The following CEP85 variants were observed in gnomAD, a reference collection of about 807,000 sequenced individuals.
The protein encoded by CEP85 is centrosomal protein 85.
In CEP85, 58 loss-of-function variants were observed where a neutral mutation model predicts 93.7. The ratio of observed to expected loss-of-function variants is 0.62; its 90% CI spans 0.50 to 0.77. CEP85 has a LOEUF of 0.77. CEP85 is among the 30% of genes least tolerant of loss of function. The pLI is 0.00. For synonymous variants in CEP85, 314 were observed against 338.6 expected (o/e 0.93, Z 0.80); for missense variants, 868 against 922.0 (o/e 0.94, Z 0.76).
At chr1:26,250,750 A>T (rs761107614) in intron 3 of CEP85, among the ~76,000 whole-genome samples, 3 of 151,992 alleles carry the variant, frequency 2.0e-5, no homozygotes, top group Admixed American at 6.6e-5. Flanking sequence ...TTACTGTAAG[A>T]GAATACCTGA....
intron 3 of CEP85, among the ~76,000 whole-genome samples, chr1:26,251,047 T>C (rs2089605478): frequency 6.8e-6 from 1 of 148,102 alleles, no homozygotes; most frequent in African/African-American, 2.5e-5. Context: ...GTTCAAGTGA[T>C]TTCTCCTGCC....
chr1:26,241,717 G>GTAGCAATT (rs2089429515), intron 2 of CEP85, among the ~76,000 whole-genome samples: 1 of 151,828 alleles, frequency 6.6e-6, no homozygotes, highest in Non-Finnish European at 1.5e-5. Context: ...TAATTGATAA[G>GTAGCAATT]GATGCTACTG....
chr1:26,246,618 A>G (rs1489112409), intron 3 of CEP85, among the ~76,000 whole-genome samples: 1 of 151,894 alleles, frequency 6.6e-6, no homozygotes, highest in Non-Finnish European at 1.5e-5. Flanking sequence ...CCTGTAATCT[A>G]CTCGGGAGGC....
At chr1:26,273,711 A>G (rs2124613434) in intron 11 of CEP85, among the ~76,000 whole-genome samples, 1 of 152,194 alleles carries the variant, frequency 6.6e-6, no homozygotes, top group South Asian at 2.1e-4. Flanking sequence ...CCTGGCTAAC[A>G]AGGTGAAACC....
Position 26,235,378 on chromosome 1 carries a change from TC to T in CEP85, c.-23+1069del, listed in dbSNP as rs1320622492. Among the ~76,000 whole-genome samples the T allele has an allele frequency of 3.9e-5, 6 of 152,280 alleles. No individual in the cohort carries two copies. The South Asian group carries it at 1.2e-3, about 32-fold the overall frequency. On this transcript the variant is annotated intron_variant, in intron 1 of 13. Transcript: ENST00000451429. ...ACGACTTTTCTTTGTAAAGGCAACT[TC>T]TTGTCAAGGATTTGGCTTCTCTTTC...
chr1:26,252,421 A>C (rs2089633171), intron 3 of CEP85, among the ~76,000 whole-genome samples: 1 of 151,622 alleles, frequency 6.6e-6, no homozygotes, highest in Non-Finnish European at 1.5e-5. Context: ...AATCCCAGCT[A>C]CTTGGGAGGC....
At position 26,277,542 on chromosome 1, in the gene CEP85, A is replaced by C. The variant is rs1448974036; in HGVS notation, c.*249A>C. ...AATTAACTTTTGGCAGGTACAACAG[A>C]TAAGTCCTCACAAACTGTTCCCAGC... is the stretch of plus-strand genomic sequence containing the variant. On this transcript the variant is annotated 3_prime_UTR_variant, in exon 14 of 14. Transcript: ENST00000451429. 1 of 396,546 alleles carries C rather than the reference A, an allele frequency of 2.5e-6. No homozygotes were observed. The highest frequency in any genetic ancestry group is 2.0e-5 in the African/African-American group (1 of 49,990). The allele number at this position is 396,546 out of a possible 1,614,324, so 24.6% of individuals were successfully genotyped here.
intron 2 of CEP85, among the ~76,000 whole-genome samples, 174 bp downstream of exon 2, chr1:26,240,012 A>G (rs1197086255): frequency 1.3e-5 from 2 of 152,226 alleles, no homozygotes; most frequent in African/African-American, 2.4e-5. Context: ...ACAAGTATTT[A>G]TCTCTTGTGC....
chr1:26,237,376 C>G (rs960945504), intron 1 of CEP85, among the ~76,000 whole-genome samples: 6 of 152,146 alleles, frequency 3.9e-5, no homozygotes, highest in Non-Finnish European at 7.4e-5. Flanking sequence ...CTCCTACCCT[C>G]CCTCCTCTCA....
intron 1 of CEP85, among the ~76,000 whole-genome samples, chr1:26,237,625 C>A (rs2124553016): frequency 6.6e-6 from 1 of 152,238 alleles, no homozygotes; most frequent in East Asian, 1.9e-4. Context: ...CACTTTTTGG[C>A]TATTGTAAAT....
In CEP85 at chr1:26,259,130, A is replaced by C. The variant is rs899031943; in HGVS notation, c.1156-487A>C. Among the ~76,000 whole-genome samples, 4 of 152,236 alleles carry C rather than the reference A, an allele frequency of 2.6e-5. No individual in the cohort carries two copies. The South Asian group carries it at 8.3e-4, about 31-fold the overall frequency. Reference sequence around the variant, plus strand: ...ATGTTAAGAGTGGGAAGTGCCTTAAATAAAACTAGTTAATTCTTCGAATTT... The same window carrying C: ...ATGTTAAGAGTGGGAAGTGCCTTAACTAAAACTAGTTAATTCTTCGAATTT... On this transcript the variant is annotated intron_variant, in intron 6 of 13. Transcript: ENST00000451429.
intron 10 of CEP85, 71 bp downstream of exon 10, chr1:26,271,178 A>T: frequency 1.0e-6 from 1 of 971,428 alleles, no homozygotes; most frequent in Non-Finnish European, 1.6e-6. Context: ...ATTAGGAGGG[A>T]TACGTGAATT....
At chr1:26,259,379 C>T (rs957503684) in intron 6 of CEP85, among the ~76,000 whole-genome samples, 14 of 152,172 alleles carry the variant, frequency 9.2e-5, no homozygotes, top group African/African-American at 3.1e-4. Flanking sequence ...TATTGGGACC[C>T]ATCCCTACAG....
intron 6 of CEP85, among the ~76,000 whole-genome samples, 185 bp downstream of exon 6, chr1:26,258,445 AG>A (rs1000271208): frequency 4.6e-5 from 7 of 152,242 alleles, no homozygotes; most frequent in African/African-American, 1.7e-4. Flanking sequence ...GAAAAGGCTA[AG>A]AACCAGGTGA....
chr1:26,258,830 C>T (rs2089763004), intron 6 of CEP85, among the ~76,000 whole-genome samples: 4 of 152,180 alleles, frequency 2.6e-5, no homozygotes, highest in Middle Eastern at 6.8e-3. Flanking sequence ...CTCCTGACCT[C>T]GTGATCCGCC....
chr1:26,242,405 T>C (rs1308396658), intron 2 of CEP85, among the ~76,000 whole-genome samples: 1 of 152,230 alleles, frequency 6.6e-6, no homozygotes, highest in Non-Finnish European at 1.5e-5. Flanking sequence ...GCTAATCTCA[T>C]GCCGCTCAGA....
At chr1:26,269,272 C>T in intron 8 of CEP85, 188 bp from the exon 9 acceptor site, 1 of 590,382 alleles carries the variant, frequency 1.7e-6, no homozygotes, top group South Asian at 2.1e-5. Context: ...CTTCCCCTCC[C>T]CTGTCCAGTT....
intron 6 of CEP85, among the ~76,000 whole-genome samples, chr1:26,259,149 C>T (rs573400389): frequency 1.3e-5 from 2 of 152,154 alleles, no homozygotes; most frequent in Non-Finnish European, 2.9e-5. Context: ...GTTAATTCTT[C>T]GAATTTACTG....
At chr1:26,275,181 TC>T in intron 12 of CEP85, 110 bp downstream of exon 12, 1 of 754,564 alleles carries the variant, frequency 1.3e-6, no homozygotes, top group Non-Finnish European at 2.2e-6. Flanking sequence ...AAGGGAAAGG[TC>T]CCTACTGAGC....
Sources: gnomAD v4.1 joint callset for allele counts (sites outside exome capture counted in the v4.1 genomes callset) on GRCh38, gnomAD v4.1.1 for gene constraint, MANE v1.5 for transcripts, NCBI Gene and HGNC (gene_info 2026-07-23, HGNC 2026-07-21) for gene names.